Variants in KCNQ1 observed in about 807,000 individuals in gnomAD.
KCNQ1 encodes the protein potassium voltage-gated channel subfamily KQT member 1.
KCNQ1 carries 49 observed loss-of-function variants against 72.4 expected under a neutral mutation model. The observed-to-expected ratio is 0.68, with a 90% confidence interval of 0.54 to 0.86. The LOEUF (loss-of-function observed/expected upper bound fraction) is 0.86. Among genes scored for constraint, KCNQ1 ranks in the 40% least tolerant of loss-of-function variants. The probability of loss-of-function intolerance (pLI) is 0.00; values close to 1 mark genes in which losing one functional copy is unlikely to be tolerated. For missense variants in KCNQ1, 790 were observed against 945.1 expected (o/e 0.84, Z 2.15); for synonymous variants, 450 against 412.6 (o/e 1.09, Z -1.10).
rs775006096 is a variant in KCNQ1, at chr11:2,627,901, C to T, written c.1394-34060C>T. The T allele has an allele frequency of 5.0e-6, 2 of 398,482 alleles. No homozygotes were observed. Among genetic ancestry groups the T allele is most frequent in the Non-Finnish European group, 8.8e-6 (2 of 226,126 alleles). 24.7% of individuals were successfully genotyped at this position (398,482 alleles called of 1,614,324 possible). On this transcript the variant is annotated intron_variant, in intron 10 of 15. Transcript: ENST00000155840. This position sits in a 1 kb window ranked among gnomAD's most constrained non-coding sequence, Gnocchi z 4.9. ...GAGTAGCTGGGACCACAGTCATGCACCCCCATGCCCAGCTAATTTTTAAAA... is the reference window on the plus strand; with the variant it reads ...GAGTAGCTGGGACCACAGTCATGCATCCCCATGCCCAGCTAATTTTTAAAA...
At position 2,674,832 on chromosome 11, in the gene KCNQ1, TAAAAAAA is replaced by T. The variant is rs34219164; in HGVS notation, c.1514+12773_1514+12779del. 3.9e-5 allele frequency: 12 copies of T among 303,862 alleles called. No homozygotes were observed. The highest frequency in any genetic ancestry group is 2.2e-4 in the South Asian group (1 of 4,454). The allele number at this position is 303,862 out of a possible 1,614,324, so 18.8% of individuals were successfully genotyped here. A position where few individuals can be genotyped will look rare whatever the true frequency, so the allele number is the denominator to read the frequency against. On this transcript the variant is annotated intron_variant, in intron 11 of 15. Coordinates refer to ENST00000155840, the MANE Select transcript of KCNQ1 (RefSeq NM_000218.3). The surrounding 1 kb of genome is among the most constrained non-coding windows in gnomAD (Gnocchi z 5.9). ...GCTTGTCACCCTAATAGCTGTTTTT[TAAAAAAA>T]AAAAAAAAAAAAAAAAAAAAAGCTC...
Position 2,445,369 on chromosome 11 carries a change from G to C in KCNQ1, c.271G>C (p.Val91Leu), listed in dbSNP as rs1182518091. Residue 91 changes from valine to leucine, a missense_variant, in exon 1 of 16, where the codon GTC (valine) becomes CTC (leucine). Transcript: ENST00000155840. ...GCCGCCGGTGAGCCTAGACCCGCGCGTCTCCATCTACAGCACGCGCCGCCC... is the reference window on the plus strand; with the variant it reads ...GCCGCCGGTGAGCCTAGACCCGCGCCTCTCCATCTACAGCACGCGCCGCCC... ...PRPPVSLDPR[V>L]SIYSTRRPVL... is the part of the protein sequence containing the mutation. 6.3e-7 allele frequency: 1 copy of C among 1,597,580 alleles called. No individual in the cohort carries two copies. Among genetic ancestry groups the C allele is most frequent in the East Asian group, 2.2e-5 (1 of 44,814 alleles).
rs1846626513 is a variant in KCNQ1, at chr11:2,479,853, A to C, written c.386+34369A>C. The stretch of plus-strand genomic sequence containing the variant: ...TATCTCTGTTTCCCTTTCAAAACTG[A>C]ATGCTTTTAACAACACCCAAGTCAC... On this transcript the variant is annotated intron_variant, in intron 1 of 15. Transcript: ENST00000155840. This position sits in a 1 kb window ranked among gnomAD's most constrained non-coding sequence, Gnocchi z 4.6. Among the ~76,000 whole-genome samples the C allele has an allele frequency of 6.6e-6, 1 of 152,156 alleles. No individual in the cohort carries two copies.
intron 1 of KCNQ1, among the ~76,000 whole-genome samples, chr11:2,467,293 C>G (rs111681543): frequency 2.0e-5 from 3 of 152,218 alleles, no homozygotes; most frequent in Non-Finnish European, 2.9e-5. Context: ...TGGTGTCCGG[C>G]AGGGAGGCAG....
Position 2,646,304 on chromosome 11 carries a change from G to T in KCNQ1, c.1394-15657G>T, listed in dbSNP as rs1849664348. The stretch of plus-strand genomic sequence containing the variant: ...TCTGTATATTGCTATAGGTAAATAT[G>T]ATCATTTTAACATTTTTCTTTCAAT... On this transcript the variant is annotated intron_variant, in intron 10 of 15. Coordinates refer to ENST00000155840, the MANE Select transcript of KCNQ1 (RefSeq NM_000218.3). 7.6e-6 allele frequency: 3 copies of T among 396,684 alleles called. No homozygotes were observed. In the East Asian group the frequency reaches 1.1e-4, roughly 14 times the overall value. 24.6% of individuals were successfully genotyped at this position (396,684 alleles called of 1,614,324 possible). A position where few individuals can be genotyped will look rare whatever the true frequency, so the allele number is the denominator to read the frequency against.
intron 7 of KCNQ1, 81 bp downstream of exon 7, chr11:2,583,626 C>G: frequency 1.1e-6 from 1 of 938,540 alleles, no homozygotes; most frequent in Non-Finnish European, 1.8e-6. Context: ...TCCCTGTGAG[C>G]AGACCCACTT....
At chr11:2,795,040 CTG>C (rs1421468953) in intron 15 of KCNQ1, among the ~76,000 whole-genome samples, 2 of 152,208 alleles carry the variant, frequency 1.3e-5, no homozygotes, top group Non-Finnish European at 2.9e-5. Flanking sequence ...GGTCCTCTGC[CTG>C]TGGTTGGCGG....
chr11:2,729,931 G>A (rs938385983), intron 11 of KCNQ1, among the ~76,000 whole-genome samples: 10 of 152,180 alleles, frequency 6.6e-5, no homozygotes, highest in African/African-American at 2.4e-4. Context: ...TGAATCTCAT[G>A]GTGTCAGGGC....
chr11:2,636,548 G>A (rs1303438980), intron 10 of KCNQ1: 1 of 152,138 alleles, frequency 6.6e-6, no homozygotes, highest in African/African-American at 2.4e-5. Flanking sequence ...CTTGATCATG[G>A]TGGATAAGCT....
Position 2,691,566 on chromosome 11 carries a change from C to T in KCNQ1, c.1514+29485C>T, listed in dbSNP as rs1171493041. Reference sequence around the variant, plus strand: ...TCTCTATCCTGAGGTTATGAAATACCTCAGCAAGGACGAGGCCTCCCTGAG... The same window carrying T: ...TCTCTATCCTGAGGTTATGAAATACTTCAGCAAGGACGAGGCCTCCCTGAG... On this transcript the variant is annotated intron_variant, in intron 11 of 15. Transcript: ENST00000155840. The surrounding 1 kb of genome is among the most constrained non-coding windows in gnomAD (Gnocchi z 6.4). 2 of 398,426 alleles carry T rather than the reference C, an allele frequency of 5.0e-6. No homozygotes were observed. Among genetic ancestry groups the T allele is most frequent in the African/African-American group, 4.1e-5 (2 of 48,586 alleles). 24.7% of individuals were successfully genotyped at this position (398,426 alleles called of 1,614,324 possible). A position where few individuals can be genotyped will look rare whatever the true frequency, so the allele number is the denominator to read the frequency against.
intron 2 of KCNQ1, among the ~76,000 whole-genome samples, chr11:2,558,003 C>G (rs1483263523): frequency 6.6e-6 from 1 of 152,214 alleles, no homozygotes; most frequent in Non-Finnish European, 1.5e-5. Context: ...AACCCAATAT[C>G]ATGAGAAATA....
At chr11:2,675,372 G>C in intron 11 of KCNQ1, 1 of 398,440 alleles carries the variant, frequency 2.5e-6, no homozygotes, top group Non-Finnish European at 4.4e-6. Context: ...GTGTGCATTA[G>C]AAAACATTTA....
At chr11:2,749,673 C>T (rs554256247) in intron 11 of KCNQ1, among the ~76,000 whole-genome samples, 150 of 141,172 alleles carry the variant, frequency 1.1e-3, no homozygotes, top group African/African-American at 3.4e-3. Flanking sequence ...ATTGTCCGGG[C>T]GCGGTGGCGG....
chr11:2,662,163 GCT>G, intron 11 of KCNQ1, 82 bp downstream of exon 11: 1 of 1,590,326 alleles, frequency 6.3e-7, no homozygotes, highest in Non-Finnish European at 8.6e-7. Context: ...GGGAAGCCTT[GCT>G]CTCTGGCCAG....
intron 10 of KCNQ1, chr11:2,630,818 C>G (rs1849340417): frequency 2.5e-6 from 1 of 398,456 alleles, no homozygotes; most frequent in Non-Finnish European, 4.4e-6. Context: ...AGTCTTGTAT[C>G]TGTTTCATAT....
chr11:2,673,934 T>C lies in KCNQ1; in HGVS notation c.1514+11853T>C. 1 of 213,264 alleles carries C rather than the reference T, an allele frequency of 4.7e-6. No homozygotes were observed. The highest frequency in any genetic ancestry group is 9.0e-6 in the Non-Finnish European group (1 of 110,810). The allele number at this position is 213,264 out of a possible 1,614,324, so 13.2% of individuals were successfully genotyped here. On this transcript the variant is annotated intron_variant, in intron 11 of 15. Transcript: ENST00000155840. The surrounding 1 kb of genome is among the most constrained non-coding windows in gnomAD (Gnocchi z 4.5). Reference sequence around the variant, plus strand: ...CGGGTGCTAGACAAGGGAGTGTGTCTCTTTCCCCATGAGTGACAGCAGCCA... The same window carrying C: ...CGGGTGCTAGACAAGGGAGTGTGTCCCTTTCCCCATGAGTGACAGCAGCCA...
chr11:2,683,147 G>T lies in KCNQ1; in HGVS notation c.1514+21066G>T, dbSNP rs1850426819. 3 of 398,612 alleles carry T rather than the reference G, an allele frequency of 7.5e-6. No individual in the cohort carries two copies. The East Asian group carries it at 1.1e-4, about 14-fold the overall frequency. 24.7% of individuals were successfully genotyped at this position (398,612 alleles called of 1,614,324 possible). The stretch of plus-strand genomic sequence containing the variant: ...CTCAGGAGGGTGTGGGGATGGGCTA[G>T]CATTAGGAATGGGTATTAGCATCTG... On this transcript the variant is annotated intron_variant, in intron 11 of 15. Transcript: ENST00000155840. The surrounding 1 kb of genome is among the most constrained non-coding windows in gnomAD (Gnocchi z 4.7).
At chr11:2,665,020 T>C in intron 11 of KCNQ1, 1 of 396,992 alleles carries the variant, frequency 2.5e-6, no homozygotes, top group Non-Finnish European at 4.4e-6. Context: ...TAGCCAGAGG[T>C]GGGGTGGGGG....
At chr11:2,796,036 G>A (rs1451237479) in intron 15 of KCNQ1, among the ~76,000 whole-genome samples, 4 of 152,182 alleles carry the variant, frequency 2.6e-5, no homozygotes, top group Admixed American at 1.3e-4. Flanking sequence ...CTTAGATGAC[G>A]TTTTCTTGAA....
Sources: allele counts gnomAD v4.1 joint callset (sites outside exome capture counted in the v4.1 genomes callset), GRCh38; gene constraint gnomAD v4.1.1; non-coding constraint Gnocchi (gnomAD v3.1); transcripts MANE v1.5; gene names NCBI Gene and HGNC (gene_info 2026-07-23, HGNC 2026-07-21).